The following ANO6 variants were observed in gnomAD, a reference collection of about 807,000 sequenced individuals.
ANO6 encodes the protein anoctamin 6.
In ANO6, 106 loss-of-function variants were observed where a neutral mutation model predicts 117.5. That is an observed-to-expected ratio of 0.90 (90% CI 0.77 to 1.06). The LOEUF is 1.06. ANO6 is among the 50% of genes least tolerant of loss of function. ANO6 has a pLI of 0.00. For synonymous variants in ANO6, 367 were observed against 385.1 expected (o/e 0.95, Z 0.55); for missense variants, 955 against 1,121.1 (o/e 0.85, Z 2.12).
intron 1 of ANO6, among the ~76,000 whole-genome samples, chr12:45,248,661 G>A (rs147855411): frequency 0.011 from 1,654 of 152,062 alleles, 25 homozygotes; most frequent in African/African-American, 0.037. Flanking sequence ...CTCGTGACCC[G>A]CCCGCCTCAG....
At chr12:45,261,377 A>C (rs1938028188) in intron 1 of ANO6, among the ~76,000 whole-genome samples, 1 of 152,218 alleles carries the variant, frequency 6.6e-6, no homozygotes, top group Admixed American at 6.5e-5. Flanking sequence ...ACTTGATCTA[A>C]AGAGGGGAAA....
At chr12:45,285,924 C>T (rs776465371) in intron 1 of ANO6, among the ~76,000 whole-genome samples, 10 of 152,166 alleles carry the variant, frequency 6.6e-5, no homozygotes, top group Non-Finnish European at 8.8e-5. Context: ...CCTCAGATAG[C>T]TGCCTTATTC....
At chr12:45,330,980 G>A (rs543866970) in intron 2 of ANO6, among the ~76,000 whole-genome samples, 1 of 151,704 alleles carries the variant, frequency 6.6e-6, no homozygotes, top group Admixed American at 6.6e-5. Flanking sequence ...TACTATGTTC[G>A]TTTTCAATCT....
chr12:45,297,527 C>T (rs1420554155), intron 1 of ANO6, among the ~76,000 whole-genome samples: 1 of 152,140 alleles, frequency 6.6e-6, no homozygotes, highest in East Asian at 1.9e-4. Flanking sequence ...TACTCCATTT[C>T]TAATTGGTAG....
intron 10 of ANO6, among the ~76,000 whole-genome samples, chr12:45,378,935 A>G (rs1349969875): frequency 6.6e-6 from 1 of 152,228 alleles, no homozygotes; most frequent in Non-Finnish European, 1.5e-5. Flanking sequence ...TAATTCCCAT[A>G]TGGGAACTTT....
At chr12:45,308,602 G>A (rs1342881993) in intron 2 of ANO6, among the ~76,000 whole-genome samples, 2 of 152,106 alleles carry the variant, frequency 1.3e-5, no homozygotes, top group Admixed American at 6.6e-5. Flanking sequence ...GGGTGGTTGT[G>A]TGTTTTTCCC....
Position 45,388,276 on chromosome 12 carries a change from T to G in ANO6, c.1281T>G (p.Thr427=). 2 of 1,614,110 alleles carry G rather than the reference T, an allele frequency of 1.2e-6. No individual in the cohort carries two copies. The highest frequency in any genetic ancestry group is 8.5e-7 in the Non-Finnish European group (1 of 1,179,978). Reference sequence around the variant, plus strand: ...GACCAGAATACGAAGCACGATGTACTCACGTAGTGATAAATGAGATTACTC... The same window carrying G: ...GACCAGAATACGAAGCACGATGTACGCACGTAGTGATAAATGAGATTACTC... ...QARPEYEARC[T]HVVINEITQE... is the part of the protein sequence containing the mutation. The change falls in exon 11 of 20, where the codon ACT becomes ACG. Residue 427 remains threonine, a synonymous_variant. Transcript: ENST00000320560.
At chr12:45,377,133 AT>A (rs1942047735) in intron 9 of ANO6, among the ~76,000 whole-genome samples, 1 of 150,464 alleles carries the variant, frequency 6.6e-6, no homozygotes, top group South Asian at 2.1e-4. Flanking sequence ...TTCTTTCAGC[AT>A]TTGAAAAGGT....
intron 3 of ANO6, chr12:45,335,648 T>C (rs1940802969): frequency 6.6e-6 from 1 of 152,028 alleles, no homozygotes; most frequent in South Asian, 2.1e-4. Context: ...ATGTAAATAT[T>C]CCAATTTCTT....
At chr12:45,266,091 C>T (rs914250087) in intron 1 of ANO6, among the ~76,000 whole-genome samples, 19 of 152,208 alleles carry the variant, frequency 1.2e-4, no homozygotes, top group African/African-American at 4.6e-4. Context: ...AGTGATTCCA[C>T]CTTCCTCTGA....
chr12:45,371,266 C>T (rs1342758876), intron 9 of ANO6, among the ~76,000 whole-genome samples: 10 of 152,144 alleles, frequency 6.6e-5, no homozygotes, highest in Admixed American at 2.6e-4. Flanking sequence ...AACTGCAAGG[C>T]GGCAGCGAGG....
At chr12:45,265,287 A>T (rs559794140) in intron 1 of ANO6, among the ~76,000 whole-genome samples, 21 of 152,326 alleles carry the variant, frequency 1.4e-4, no homozygotes, top group African/African-American at 5.1e-4. Context: ...ATACGAAGTT[A>T]TGGAGAACTA....
Position 45,426,865 on chromosome 12 carries a change from A to T in ANO6, c.2527-2240A>T, listed in dbSNP as rs560691976. ...TAAATACCATCTGTATGCTAAAAGGACCTTAAAATGGCTGTTTGCAGAGCA... is the reference window on the plus strand; with the variant it reads ...TAAATACCATCTGTATGCTAAAAGGTCCTTAAAATGGCTGTTTGCAGAGCA... On this transcript the variant is annotated intron_variant, in intron 19 of 19. Transcript: ENST00000320560. Among the ~76,000 whole-genome samples the T allele has an allele frequency of 4.0e-5, 6 of 151,534 alleles. No individual in the cohort carries two copies. The South Asian group carries it at 1.0e-3, about 26-fold the overall frequency.
intron 16 of ANO6, among the ~76,000 whole-genome samples, chr12:45,415,221 G>C (rs1029948462): frequency 1.1e-4 from 16 of 149,562 alleles, no homozygotes; most frequent in African/African-American, 3.9e-4. Context: ...ATCATTATTT[G>C]TTTTTTCTTA....
At chr12:45,234,512 A>G (rs1047954300) in intron 1 of ANO6, among the ~76,000 whole-genome samples, 1 of 152,192 alleles carries the variant, frequency 6.6e-6, no homozygotes, top group Non-Finnish European at 1.5e-5. Flanking sequence ...CAAATGAAGG[A>G]GCAGTTCAGT....
intron 2 of ANO6, among the ~76,000 whole-genome samples, chr12:45,327,800 T>A (rs542822234): frequency 4.0e-4 from 61 of 152,178 alleles, no homozygotes; most frequent in Non-Finnish European, 5.9e-4. Flanking sequence ...CATTTTTGGA[T>A]CTTCAGAATT....
chr12:45,349,413 A>C (rs1247741417), intron 6 of ANO6, among the ~76,000 whole-genome samples: 1 of 152,214 alleles, frequency 6.6e-6, no homozygotes, highest in Non-Finnish European at 1.5e-5. Context: ...TCTAGCCGAG[A>C]ACATCTCTCG....
intron 5 of ANO6, 27 bp from the exon 6 acceptor site, chr12:45,348,491 G>A (rs780339763): frequency 2.7e-5 from 43 of 1,575,578 alleles, no homozygotes; most frequent in Non-Finnish European, 3.4e-5. Context: ...TATATAAACC[G>A]CATACTCTAT....
At chr12:45,324,697 G>A (rs1034300189) in intron 2 of ANO6, among the ~76,000 whole-genome samples, 14 of 152,162 alleles carry the variant, frequency 9.2e-5, no homozygotes, top group African/African-American at 2.9e-4. Context: ...TCAAACATGT[G>A]TCACTATGGG....
Sources: allele counts gnomAD v4.1 joint callset (sites outside exome capture counted in the v4.1 genomes callset), GRCh38; gene constraint gnomAD v4.1.1; transcripts MANE v1.5; gene names NCBI Gene and HGNC (gene_info 2026-07-23, HGNC 2026-07-21).